PCDHGA1: variants seen among roughly 807,000 people sequenced by gnomAD.
PCDHGA1 encodes the protein protocadherin gamma-A1.
A neutral mutation model predicts 58.0 loss-of-function variants in PCDHGA1; 32 were observed. The ratio of observed to expected loss-of-function variants is 0.55; its 90% CI spans 0.42 to 0.74. The LOEUF (loss-of-function observed/expected upper bound fraction) is 0.74, where lower values mean the gene tolerates loss of function less well. Among genes scored for constraint, PCDHGA1 ranks in the 30% least tolerant of loss-of-function variants. The pLI, the probability that PCDHGA1 is intolerant of heterozygous loss-of-function variation, is 0.00. For missense variants in PCDHGA1, 1,205 were observed against 1,182.3 expected, an observed-to-expected ratio of 1.02 and a Z score of -0.28; for synonymous variants, 498 against 501.1, an observed-to-expected ratio of 0.99 and a Z score of 0.08.
chr5:141,373,326 G>A (rs1419997594), intron 1 of PCDHGA1, among the ~76,000 whole-genome samples: 3 of 152,172 alleles, frequency 2.0e-5, no homozygotes, highest in East Asian at 3.8e-4. Context: ...AGAAATAATG[G>A]CATCTAAAAT....
chr5:141,453,144 C>T lies in PCDHGA1; in HGVS notation c.2422-41663C>T, dbSNP rs530175947. ...TTGTTTTGTTTTTGAGATAGGGTCT[C>T]GCTATGTCACCCAGGCTGGAGTCCA... On this transcript the variant is annotated intron_variant, in intron 1 of 3. Transcript: ENST00000517417. Among the ~76,000 whole-genome samples, 290 of 152,062 alleles carry T rather than the reference C, an allele frequency of 1.9e-3. 1 individual carries two copies. The highest frequency in any genetic ancestry group is 6.3e-3 in the African/African-American group (260 of 41,478).
chr5:141,484,123 T>C (rs2099592351), intron 1 of PCDHGA1, among the ~76,000 whole-genome samples: 1 of 152,174 alleles, frequency 6.6e-6, no homozygotes, highest in South Asian at 2.1e-4. Flanking sequence ...AAGAATACCT[T>C]GGTGTCAGAT....
At chr5:141,365,046 C>T (rs753242901) in intron 1 of PCDHGA1, 1 of 1,613,884 alleles carries the variant, frequency 6.2e-7, no homozygotes, top group South Asian at 1.1e-5. Context: ...AACGACAATG[C>T]GCCCCTGTTC....
At position 141,491,735 on chromosome 5, in the gene PCDHGA1, G is replaced by C. The variant is rs765837152; in HGVS notation, c.2422-3072G>C. ...TCGGCGCCGCCCCGGGCGACCCCTG[G>C]GGGCGGCACTGGAGAAGCCGCCCGT... On this transcript the variant is annotated intron_variant, in intron 1 of 3. Coordinates refer to ENST00000517417, the MANE Select transcript of PCDHGA1 (RefSeq NM_018912.3). The surrounding 1 kb of genome is among the most constrained non-coding windows in gnomAD (Gnocchi z 6.9). 2.5e-6 allele frequency: 4 copies of C among 1,601,968 alleles called. No homozygotes were observed. In the South Asian group the frequency reaches 4.4e-5, roughly 18 times the overall value.
At chr5:141,348,270 G>C (rs958949578) in intron 1 of PCDHGA1, among the ~76,000 whole-genome samples, 1 of 152,188 alleles carries the variant, frequency 6.6e-6, no homozygotes, top group Non-Finnish European at 1.5e-5. Context: ...CACAAAAGCT[G>C]TAAGCAGAGT....
intron 1 of PCDHGA1, chr5:141,394,696 C>A: frequency 6.2e-7 from 1 of 1,613,046 alleles, no homozygotes; most frequent in Non-Finnish European, 8.5e-7. Flanking sequence ...GAGGTGCGCA[C>A]GGCGCGAGCC....
At chr5:141,463,338 G>A (rs1005543705) in intron 1 of PCDHGA1, among the ~76,000 whole-genome samples, 2 of 150,742 alleles carry the variant, frequency 1.3e-5, no homozygotes, top group African/African-American at 2.4e-5. Flanking sequence ...CAAAACCATG[G>A]TGTTATTCTT....
At chr5:141,507,810 G>C (rs550331241) in intron 3 of PCDHGA1, among the ~76,000 whole-genome samples, 5 of 152,172 alleles carry the variant, frequency 3.3e-5, no homozygotes, top group Non-Finnish European at 2.9e-5. Context: ...CCTGGGGAAC[G>C]GACCCTGGGG....
intron 1 of PCDHGA1, chr5:141,420,364 ACTT>A (rs746817317): frequency 1.3e-4 from 174 of 1,368,558 alleles, no homozygotes; most frequent in Non-Finnish European, 1.6e-4. Context: ...ATTCTAGATA[ACTT>A]CTTCATAGAG....
intron 2 of PCDHGA1, among the ~76,000 whole-genome samples, chr5:141,498,994 AAGGAAGGAAGG>A (rs2099788184): frequency 2.0e-5 from 3 of 148,560 alleles, no homozygotes; most frequent in Non-Finnish European, 4.5e-5. Flanking sequence ...GGAAGGAAGG[AAGGAAGGAAGG>A]AAGGAAGGAA....
chr5:141,417,842 C>G (rs1247720013), intron 1 of PCDHGA1: 2 of 1,537,166 alleles, frequency 1.3e-6, no homozygotes, highest in Admixed American at 2.0e-5. Flanking sequence ...GGGGACCCAG[C>G]GAGAACCCGA....
At position 141,477,056 on chromosome 5, in the gene PCDHGA1, G is replaced by T; in HGVS notation, c.2422-17751G>T. 6.2e-7 allele frequency: 1 copy of T among 1,614,242 alleles called. No homozygotes were observed. The highest frequency in any genetic ancestry group is 8.5e-7 in the Non-Finnish European group (1 of 1,180,046). Reference sequence around the variant, plus strand: ...AATCAAGGGTCGGCTGGACTTCGAGGACACCAAACTCCATGAGATTTACAT... The same window carrying T: ...AATCAAGGGTCGGCTGGACTTCGAGTACACCAAACTCCATGAGATTTACAT... On this transcript the variant is annotated intron_variant, in intron 1 of 3. Coordinates refer to ENST00000517417, the MANE Select transcript of PCDHGA1 (RefSeq NM_018912.3). This position sits in a 1 kb window ranked among gnomAD's most constrained non-coding sequence, Gnocchi z 4.9.
chr5:141,452,584 T>C (rs992607928), intron 1 of PCDHGA1, among the ~76,000 whole-genome samples: 1 of 152,182 alleles, frequency 6.6e-6, no homozygotes, highest in Non-Finnish European at 1.5e-5. Context: ...TTTCCATCTT[T>C]GTATTTTTAT....
At chr5:141,384,312 T>A in intron 1 of PCDHGA1, 1 of 1,613,806 alleles carries the variant, frequency 6.2e-7, no homozygotes. Flanking sequence ...GGGCCTCCAT[T>A]TTCTTAGTGA....
intron 1 of PCDHGA1, chr5:141,375,263 T>C (rs200233213): frequency 1.2e-6 from 2 of 1,613,828 alleles, no homozygotes; most frequent in Non-Finnish European, 1.7e-6. Context: ...CCCATTTGAA[T>C]TGGAAAAATC....
At chr5:141,383,871 T>C (rs1490693086) in intron 1 of PCDHGA1, 1 of 1,613,852 alleles carries the variant, frequency 6.2e-7, no homozygotes, top group African/African-American at 1.3e-5. Flanking sequence ...CTCAAGATGG[T>C]CCTGGTAGTC....
chr5:141,390,601 C>T, intron 1 of PCDHGA1: 1 of 317,490 alleles, frequency 3.1e-6, no homozygotes. Context: ...TTTTCCTATA[C>T]ATTTTCCTTC....
rs2099606006 is a variant in PCDHGA1, at chr5:141,485,058, G to A, written c.2422-9749G>A. Reference sequence around the variant, plus strand: ...TAACCCTTGCGGCGCCGGCCGAACCGCGCCAGAGCTGGCGCGGGGAAAGGG... The same window carrying A: ...TAACCCTTGCGGCGCCGGCCGAACCACGCCAGAGCTGGCGCGGGGAAAGGG... On this transcript the variant is annotated intron_variant, in intron 1 of 3. Coordinates refer to ENST00000517417, the MANE Select transcript of PCDHGA1 (RefSeq NM_018912.3). The surrounding 1 kb of genome is among the most constrained non-coding windows in gnomAD (Gnocchi z 5.7). 1 of 848,828 alleles carries A rather than the reference G, an allele frequency of 1.2e-6. No individual in the cohort carries two copies. The highest frequency in any genetic ancestry group is 1.9e-6 in the Non-Finnish European group (1 of 529,084). The allele number at this position is 848,828 out of a possible 1,614,324, so 52.6% of individuals were successfully genotyped here.
At chr5:141,344,060 T>C (rs1314111216) in intron 1 of PCDHGA1, 2 of 1,563,350 alleles carry the variant, frequency 1.3e-6, no homozygotes, top group African/African-American at 1.4e-5. Flanking sequence ...GTTTCCGAAA[T>C]GGCAGAGGAC....
Sources: allele counts gnomAD v4.1 joint callset (sites outside exome capture counted in the v4.1 genomes callset), GRCh38; gene constraint gnomAD v4.1.1; non-coding constraint Gnocchi (gnomAD v3.1); transcripts MANE v1.5; gene names NCBI Gene and HGNC (gene_info 2026-07-23, HGNC 2026-07-21).